Variants in RBM11 observed in about 807,000 individuals in gnomAD.
The protein encoded by RBM11 is RNA binding motif protein 11.
In RBM11, 18 loss-of-function variants were observed where a neutral mutation model predicts 21.4. The ratio of observed to expected loss-of-function variants is 0.84; its 90% confidence interval spans 0.58 to 1.25. The LOEUF (loss-of-function observed/expected upper bound fraction) is 1.25, where lower values mean the gene tolerates loss of function less well. RBM11 is among the 50% of genes most tolerant of loss of function. The pLI, the probability that RBM11 is intolerant of heterozygous loss-of-function variation, is 0.00. For synonymous variants in RBM11, 120 were observed against 116.3 expected, an observed-to-expected ratio of 1.03 and a Z score of -0.20; for missense variants, 294 against 331.9, an observed-to-expected ratio of 0.89 and a Z score of 0.89.
chr21:14,216,246 A>C lies in RBM11; in HGVS notation c.60A>C (p.Arg20=). Residue 20 remains arginine (R), a synonymous_variant, in exon 1 of 5, where the codon CGA becomes CGC. Coordinates refer to ENST00000400577, the MANE Select transcript of RBM11 (RefSeq NM_144770.5). ...TGTTTGTTGGGAATTTAGAGGCCCG[A>C]GTTCGGGAAGAGATTCTGTACGAGC... ...RTVFVGNLEA[R]VREEILYELF... 2 of 1,613,744 alleles carry C rather than the reference A, an allele frequency of 1.2e-6. No individual in the cohort carries two copies. Among genetic ancestry groups the C allele is most frequent in the Non-Finnish European group, 1.7e-6 (2 of 1,179,784 alleles).
intron 1 of RBM11, among the ~76,000 whole-genome samples, chr21:14,218,826 A>G (rs977557187): frequency 6.6e-6 from 1 of 152,164 alleles, no homozygotes; most frequent in African/African-American, 2.4e-5. Context: ...ACAATCTTCT[A>G]TGATATTTGG....
At chr21:14,222,630 G>A (rs1056850623) in intron 3 of RBM11, among the ~76,000 whole-genome samples, 2 of 152,164 alleles carry the variant, frequency 1.3e-5, no homozygotes, top group African/African-American at 4.8e-5. Context: ...AGGAAAGGAG[G>A]TGGTGAAATT....
In RBM11 at chr21:14,224,909, A is replaced by G. The variant is rs114664520; in HGVS notation, c.432+372A>G. On this transcript the variant is annotated intron_variant, in intron 4 of 4. Coordinates refer to ENST00000400577, the MANE Select transcript of RBM11 (RefSeq NM_144770.5). ...GGCCAGGGCAGGATCAATTGAGGTC[A>G]AGAGGTCGAGACCAGCCTGGCCAAC... 6.4e-3 allele frequency among the ~76,000 whole-genome samples: 972 copies of G among 152,324 alleles called. 8 individuals carry two copies. The highest frequency in any genetic ancestry group is 0.019 in the African/African-American group (796 of 41,570).
At position 14,219,539 on chromosome 21, in the gene RBM11, A is replaced by C. The variant is rs774054668; in HGVS notation, c.97-24A>C. On this transcript the variant is annotated intron_variant, in intron 1 of 4. Transcript: ENST00000400577. ...AAAAAAAATCTTTGGATTTATGAGA[A>C]AATAATTTTTAAGTTTCTTATAGGC... is the stretch of plus-strand genomic sequence containing the variant. 2.1e-6 allele frequency: 3 copies of C among 1,437,810 alleles called. No homozygotes were observed. The Admixed American group carries it at 8.1e-5, about 39-fold the overall frequency. 89.1% of individuals were successfully genotyped at this position (1,437,810 alleles called of 1,614,324 possible).
Position 14,227,167 on chromosome 21 carries a change from C to T in RBM11, c.720C>T (p.Asp240=), listed in dbSNP as rs1232995459. ...CTCACCAACAACCAAGTGACTCTGA[C>T]CTTTATCAGATGAATAAACGAAAGA... ...KWTHQQPSDS[D]LYQMNKRKRQ... is the part of the protein sequence containing the mutation. The change falls in exon 5 of 5, where the codon GAC becomes GAT. Residue 240 remains aspartate, a synonymous_variant. Coordinates refer to ENST00000400577, the MANE Select transcript of RBM11 (RefSeq NM_144770.5). 6.2e-7 allele frequency: 1 copy of T among 1,614,004 alleles called. No homozygotes were observed. Among genetic ancestry groups the T allele is most frequent in the South Asian group, 1.1e-5 (1 of 91,074 alleles).
At chr21:14,218,047 G>T (rs1261670563) in intron 1 of RBM11, among the ~76,000 whole-genome samples, 1 of 152,078 alleles carries the variant, frequency 6.6e-6, no homozygotes, top group Non-Finnish European at 1.5e-5. Flanking sequence ...TTGCCAAAGT[G>T]GAGTTTCTCT....
intron 3 of RBM11, among the ~76,000 whole-genome samples, chr21:14,223,661 G>A (rs1041204890): frequency 6.6e-6 from 1 of 152,156 alleles, no homozygotes; most frequent in Non-Finnish European, 1.5e-5. Flanking sequence ...GTTTGAATGT[G>A]TCCCTCAAAA....
chr21:14,219,481 TTAGTC>T (rs1252179573), intron 1 of RBM11, 77 bp from the exon 2 acceptor site: 5 of 1,048,104 alleles, frequency 4.8e-6, no homozygotes, highest in East Asian at 2.7e-5. Flanking sequence ...ACACATTTCT[TTAGTC>T]TAAAGTTGAA....
intron 1 of RBM11, among the ~76,000 whole-genome samples, chr21:14,218,132 C>G (rs746323837): frequency 3.3e-5 from 5 of 152,136 alleles, no homozygotes; most frequent in Non-Finnish European, 7.4e-5. Context: ...TTAAAAAATA[C>G]TGTAAGATAG....
chr21:14,216,340 C>A, intron 1 of RBM11, 58 bp downstream of exon 1: 3 of 1,486,124 alleles, frequency 2.0e-6, no homozygotes, highest in Non-Finnish European at 1.9e-6. Context: ...GGAAACATAG[C>A]GCGCACCTGG....
At chr21:14,222,946 A>C (rs1025514774) in intron 3 of RBM11, among the ~76,000 whole-genome samples, 3 of 152,252 alleles carry the variant, frequency 2.0e-5, no homozygotes, top group Admixed American at 2.0e-4. Context: ...AGCCATGTGT[A>C]TAATGTAAGA....
At chr21:14,225,566 A>G (rs914247366) in intron 4 of RBM11, among the ~76,000 whole-genome samples, 10 of 152,112 alleles carry the variant, frequency 6.6e-5, no homozygotes, top group Non-Finnish European at 4.4e-5. Flanking sequence ...TTTTGCAAAT[A>G]CCCAACGTAT....
At chr21:14,224,062 A>G (rs1978889113) in intron 3 of RBM11, among the ~76,000 whole-genome samples, 1 of 152,172 alleles carries the variant, frequency 6.6e-6, no homozygotes, top group African/African-American at 2.4e-5. Context: ...GTTTGTTATA[A>G]CAAACAGGTA....
intron 1 of RBM11, among the ~76,000 whole-genome samples, chr21:14,217,179 T>C (rs1025219047): frequency 2.0e-5 from 3 of 152,208 alleles, no homozygotes; most frequent in Non-Finnish European, 4.4e-5. Context: ...CCTCAGTGCT[T>C]CAGTTTCCTT....
chr21:14,220,040 C>T (rs770919825), intron 2 of RBM11, among the ~76,000 whole-genome samples: 30 of 152,234 alleles, frequency 2.0e-4, no homozygotes, highest in South Asian at 1.7e-3. Flanking sequence ...TGGGGTCACA[C>T]AACTGTAACA....
At chr21:14,223,878 C>A (rs1400735588) in intron 3 of RBM11, among the ~76,000 whole-genome samples, 1 of 152,152 alleles carries the variant, frequency 6.6e-6, no homozygotes. Context: ...TGAGCTCCTC[C>A]TGCCTGTGAT....
chr21:14,227,245 C>T lies in RBM11; in HGVS notation c.798C>T (p.Asn266=), dbSNP rs768165278. The T allele has an allele frequency of 6.8e-6, 11 of 1,613,196 alleles. No homozygotes were observed. Among genetic ancestry groups the T allele is most frequent in the South Asian group, 2.2e-5 (2 of 90,898 alleles). The change falls in exon 5 of 5, where the codon AAC becomes AAT. Residue 266 remains asparagine, a synonymous_variant. Coordinates refer to ENST00000400577, the MANE Select transcript of RBM11 (RefSeq NM_144770.5). ...SDSSTDNNRG[N]ECSQKFRKSK... ...GTAGCACAGACAACAACAGAGGCAA[C>T]GAATGTAGCCAAAAGTTCCGAAAGT...
At chr21:14,221,887 A>G (rs1978695575) in intron 3 of RBM11, among the ~76,000 whole-genome samples, 1 of 152,224 alleles carries the variant, frequency 6.6e-6, no homozygotes, top group Admixed American at 6.5e-5. Flanking sequence ...TTCTGGTTAC[A>G]CTAATAAACA....
At chr21:14,225,292 A>T (rs1380713464) in intron 4 of RBM11, among the ~76,000 whole-genome samples, 1 of 152,206 alleles carries the variant, frequency 6.6e-6, no homozygotes, top group East Asian at 1.9e-4. Flanking sequence ...TCCTTCATGC[A>T]CACATCACAG....
Sources: allele counts gnomAD v4.1 joint callset (sites outside exome capture counted in the v4.1 genomes callset), GRCh38; gene constraint gnomAD v4.1.1; transcripts MANE v1.5; gene names NCBI Gene and HGNC (gene_info 2026-07-23, HGNC 2026-07-21).